Variants in PRKG1 observed in about 807,000 individuals in gnomAD.
PRKG1 encodes the protein cGMP-dependent protein kinase 1.
A neutral mutation model predicts 88.1 loss-of-function variants in PRKG1; 35 were observed. That is an observed-to-expected ratio of 0.40 (90% CI 0.30 to 0.53). The LOEUF is 0.53. Ranked by LOEUF, PRKG1 falls within the 20% of genes least tolerant of loss-of-function variation. The probability of loss-of-function intolerance (pLI) is 0.59; values close to 1 mark genes in which losing one functional copy is unlikely to be tolerated. For missense variants in PRKG1, 540 were observed against 839.8 expected (o/e 0.64, Z 4.41); for synonymous variants, 303 against 292.5 (o/e 1.04, Z -0.37).
At chr10:51,404,246 G>A (rs1381581476) in intron 2 of PRKG1, among the ~76,000 whole-genome samples, 1 of 152,130 alleles carries the variant, frequency 6.6e-6, no homozygotes, top group Non-Finnish European at 1.5e-5. Flanking sequence ...CAAGTCCCAG[G>A]ATATGAAAAT....
At chr10:51,472,055 G>T (rs1186473887) in intron 3 of PRKG1, among the ~76,000 whole-genome samples, 1 of 151,766 alleles carries the variant, frequency 6.6e-6, no homozygotes, top group East Asian at 1.9e-4. Context: ...CTGACAAATT[G>T]ATGACTTTAA....
chr10:51,245,224 G>C (rs1221458574), intron 2 of PRKG1: 1 of 151,890 alleles, frequency 6.6e-6, no homozygotes, highest in Non-Finnish European at 1.5e-5. Flanking sequence ...AATATGAGAG[G>C]CTTCCTCTGG....
chr10:51,976,517 A>G (rs1042514923), intron 5 of PRKG1, among the ~76,000 whole-genome samples: 27 of 152,046 alleles, frequency 1.8e-4, no homozygotes, highest in African/African-American at 6.5e-4. Flanking sequence ...CACATACTAC[A>G]TGATTCTATT....
In PRKG1 at chr10:51,576,293, C is replaced by T. The variant is rs141913609; in HGVS notation, c.592+108457C>T. Among the ~76,000 whole-genome samples, 1,420 of 152,000 alleles carry T rather than the reference C, an allele frequency of 9.3e-3. 10 individuals are homozygous for T. The highest frequency in any genetic ancestry group is 0.012 in the Non-Finnish European group (799 of 67,880). On this transcript the variant is annotated intron_variant, in intron 3 of 17. Transcript: ENST00000373980. ...GTGTATGAATATGTGTATGCCCATACATGTATAGTGACATAAAATTATATA... is the reference window on the plus strand; with the variant it reads ...GTGTATGAATATGTGTATGCCCATATATGTATAGTGACATAAAATTATATA...
intron 3 of PRKG1, among the ~76,000 whole-genome samples, chr10:51,756,449 T>C (rs558548336): frequency 6.9e-6 from 1 of 145,926 alleles, no homozygotes; most frequent in Non-Finnish European, 1.5e-5. Flanking sequence ...GTTGTGCCAC[T>C]GCACTCCAGC....
At position 52,293,985 on chromosome 10, in the gene PRKG1, G is replaced by C; in HGVS notation, c.*85G>C. On this transcript the variant is annotated 3_prime_UTR_variant, in exon 18 of 18. Coordinates refer to ENST00000373980, the MANE Select transcript of PRKG1 (RefSeq NM_006258.4). ...CAGCAAACCTGAGGGAAAGAGAGAA[G>C]ATTAGTGCTCGGGGTCACCATGATG... is the stretch of plus-strand genomic sequence containing the variant. The C allele has an allele frequency of 1.7e-6, 2 of 1,162,126 alleles. No individual in the cohort carries two copies. The highest frequency in any genetic ancestry group is 4.9e-5 in the East Asian group (2 of 41,154). 72.0% of individuals were successfully genotyped at this position (1,162,126 alleles called of 1,614,324 possible).
At chr10:52,146,371 T>C (rs1303844285) in intron 8 of PRKG1, among the ~76,000 whole-genome samples, 2 of 152,194 alleles carry the variant, frequency 1.3e-5, no homozygotes, top group African/African-American at 2.4e-5. Flanking sequence ...GTCTACATCC[T>C]GGGGCAGCAT....
intron 9 of PRKG1, among the ~76,000 whole-genome samples, chr10:52,175,960 T>G (rs912775380): frequency 2.6e-5 from 4 of 152,120 alleles, no homozygotes; most frequent in Admixed American, 6.5e-5. Flanking sequence ...TTCACTCTGT[T>G]GATTATTTCC....
At chr10:52,232,244 A>T (rs1840543213) in intron 9 of PRKG1, among the ~76,000 whole-genome samples, 1 of 152,110 alleles carries the variant, frequency 6.6e-6, no homozygotes, top group Non-Finnish European at 1.5e-5. Flanking sequence ...TGGAGGATGC[A>T]GTGAGCCGAG....
intron 1 of PRKG1, among the ~76,000 whole-genome samples, chr10:51,001,647 T>C (rs941663724): frequency 6.6e-6 from 1 of 152,146 alleles, no homozygotes; most frequent in Non-Finnish European, 1.5e-5. Context: ...TCTAGAGCAT[T>C]GTTCAGGTCA....
intron 2 of PRKG1, among the ~76,000 whole-genome samples, chr10:51,326,784 A>G (rs968900335): frequency 6.6e-6 from 1 of 152,268 alleles, no homozygotes; most frequent in South Asian, 2.1e-4. Context: ...TAAGTGCTGA[A>G]TACAGTAACT....
chr10:52,245,644 G>T (rs1841003253), intron 9 of PRKG1, among the ~76,000 whole-genome samples: 1 of 151,990 alleles, frequency 6.6e-6, no homozygotes, highest in South Asian at 2.1e-4. Flanking sequence ...CCCAAGAATT[G>T]ATCGATCTAA....
At position 50,991,322 on chromosome 10, in the gene PRKG1, C is replaced by CGCT; in HGVS notation, c.-55_-54insTGC. 1.4e-6 allele frequency: 2 copies of CGCT among 1,394,898 alleles called. No homozygotes were observed. The highest frequency in any genetic ancestry group is 1.9e-6 in the Non-Finnish European group (2 of 1,052,504). The allele number at this position is 1,394,898 out of a possible 1,614,324, so 86.4% of individuals were successfully genotyped here. On this transcript the variant is annotated 5_prime_UTR_variant, in exon 1 of 18. Coordinates refer to the PRKG1 transcript ENST00000401604. This position sits in a 1 kb window ranked among gnomAD's most constrained non-coding sequence, Gnocchi z 4.5. ...CGGCTGCCGTCCCAGCCGCCGCCGC[C>CGCT]GCCGCCGCCGCCGCCGCCGCCCGAG... is the stretch of plus-strand genomic sequence containing the variant.
intron 2 of PRKG1, among the ~76,000 whole-genome samples, chr10:51,283,711 C>A (rs945066739): frequency 6.6e-6 from 1 of 151,812 alleles, no homozygotes; most frequent in African/African-American, 2.4e-5. Flanking sequence ...ATGGTGTCCA[C>A]AAATAAAGAA....
At chr10:51,210,734 C>T (rs1453985909) in intron 2 of PRKG1, among the ~76,000 whole-genome samples, 1 of 152,040 alleles carries the variant, frequency 6.6e-6, no homozygotes, top group Non-Finnish European at 1.5e-5. Flanking sequence ...ATAAATTCCT[C>T]GACACATACA....
chr10:51,506,206 A>T (rs1319142024), intron 3 of PRKG1, among the ~76,000 whole-genome samples: 3 of 152,214 alleles, frequency 2.0e-5, no homozygotes, highest in Non-Finnish European at 4.4e-5. Flanking sequence ...AAAATCCTAG[A>T]AGAAAACTTA....
intron 2 of PRKG1, among the ~76,000 whole-genome samples, chr10:51,161,032 T>C (rs1846347149): frequency 6.6e-6 from 1 of 152,160 alleles, no homozygotes; most frequent in Non-Finnish European, 1.5e-5. Context: ...TGAAAAGCCA[T>C]ACATTTTTGC....
At chr10:51,585,337 C>G (rs1427685788) in intron 3 of PRKG1, among the ~76,000 whole-genome samples, 1 of 152,046 alleles carries the variant, frequency 6.6e-6, no homozygotes, top group East Asian at 1.9e-4. Flanking sequence ...ATTCTGGTTG[C>G]TAAAATATTT....
At position 51,545,483 on chromosome 10, in the gene PRKG1, A is replaced by G. The variant is rs147121937; in HGVS notation, c.592+77647A>G. 4.4e-3 allele frequency among the ~76,000 whole-genome samples: 670 copies of G among 152,228 alleles called. 5 individuals carry two copies. Among genetic ancestry groups the G allele is most frequent in the African/African-American group, 0.015 (633 of 41,566 alleles). ...ACGTTTTCCTTGGTGGATGGAAAGC[A>G]TCCCTTCCTGGGGCATACACTTAAT... On this transcript the variant is annotated intron_variant, in intron 3 of 17. Transcript: ENST00000373980.
Sources: gnomAD v4.1 joint callset for allele counts (sites outside exome capture counted in the v4.1 genomes callset) on GRCh38, gnomAD v4.1.1 for gene constraint, Gnocchi (gnomAD v3.1) non-coding constraint, MANE v1.5 for transcripts, NCBI Gene and HGNC (gene_info 2026-07-23, HGNC 2026-07-21) for gene names.